Variants in NOTCH2NLA observed in about 807,000 individuals in gnomAD.
The protein encoded by NOTCH2NLA is notch homolog 2 N-terminal-like protein A.
chr1:146,161,890 AT>A (rs1484581514), intron 3 of NOTCH2NLA, among the ~76,000 whole-genome samples: 1 of 93,372 alleles, frequency 1.1e-5, no homozygotes, highest in East Asian at 2.5e-4. Flanking sequence ...ATTAAGGTCA[AT>A]GGGCAACTAC....
chr1:146,185,835 G>T lies in NOTCH2NLA; in HGVS notation c.38+3465C>A, dbSNP rs1326784251. On this transcript the variant is annotated intron_variant, in intron 2 of 4. Transcript: ENST00000362074. ...GAATAAAAAGATAATCACATGCCCTGCATGCCTGATAGAATTTTTATAAAT... is the reference window on the plus strand; with the variant it reads ...GAATAAAAAGATAATCACATGCCCTTCATGCCTGATAGAATTTTTATAAAT... Among the ~76,000 whole-genome samples, 9 of 135,448 alleles carry T rather than the reference G, an allele frequency of 6.6e-5. 2 individuals are homozygous for T. Among genetic ancestry groups the T allele is most frequent in the African/African-American group, 1.0e-4 (4 of 40,174 alleles). The allele number at this position is 135,448 out of a possible 152,430, so 88.9% of individuals were successfully genotyped here.
downstream of NOTCH2NLA, among the ~76,000 whole-genome samples, chr1:146,151,317 C>CA (rs1159670389): frequency 4.3e-3 from 69 of 15,880 alleles, no homozygotes; most frequent in Middle Eastern, 0.031. Flanking sequence ...TGCTCCGTCT[C>CA]AAAAAAAAAA....
At chr1:146,170,294 A>AT (rs1661891837) in intron 2 of NOTCH2NLA, among the ~76,000 whole-genome samples, 1 of 94,396 alleles carries the variant, frequency 1.1e-5, no homozygotes, top group Non-Finnish European at 2.3e-5. Context: ...CCAAATGCCT[A>AT]TAAGCGGATG....
chr1:146,186,397 C>T (rs1308352473), intron 2 of NOTCH2NLA, among the ~76,000 whole-genome samples: 273 of 138,560 alleles, frequency 2.0e-3, no homozygotes, highest in Non-Finnish European at 2.7e-3. Context: ...CTCTGTCGCT[C>T]AGGCTGGAGT....
chr1:146,157,743 TAGAAACA>T (rs2102267359), intron 3 of NOTCH2NLA, among the ~76,000 whole-genome samples: 1 of 105,284 alleles, frequency 9.5e-6, no homozygotes, highest in Non-Finnish European at 2.0e-5. Flanking sequence ...CCTCTGGTGA[TAGAAACA>T]AGTCAATACT....
intron 2 of NOTCH2NLA, among the ~76,000 whole-genome samples, chr1:146,174,451 A>G: frequency 6.7e-6 from 1 of 149,862 alleles, no homozygotes; most frequent in East Asian, 1.9e-4. Flanking sequence ...CATTCAAGAA[A>G]CAACAACAAC....
At chr1:146,159,393 GAGAAAGAAAGAAAGAAAGAAAGAA>G (rs201617510) in intron 3 of NOTCH2NLA, among the ~76,000 whole-genome samples, 11 of 111,040 alleles carry the variant, frequency 9.9e-5, no homozygotes, top group African/African-American at 1.4e-4. Flanking sequence ...GAGAAAGAGA[GAGAAAGAAAGAAAGAAAGAAAGAA>G]AGAAAGAAAG....
chr1:146,184,981 AACTTTAAAAT>A (rs1365024408), intron 2 of NOTCH2NLA, among the ~76,000 whole-genome samples: 1 of 125,458 alleles, frequency 8.0e-6, no homozygotes, highest in Non-Finnish European at 1.9e-5. Context: ...GTGGGAGATA[AACTTTAAAAT>A]CTATCACCCA....
chr1:146,186,115 C>T (rs1322882483), intron 2 of NOTCH2NLA, among the ~76,000 whole-genome samples: 5 of 134,190 alleles, frequency 3.7e-5, no homozygotes, highest in Admixed American at 2.3e-4. Context: ...CCCTGCCACT[C>T]CTAAATATGC....
chr1:146,183,297 TATTG>T (rs1238961786), intron 2 of NOTCH2NLA, among the ~76,000 whole-genome samples: 3 of 138,136 alleles, frequency 2.2e-5, no homozygotes, highest in African/African-American at 7.5e-5. Context: ...ATGATAACAA[TATTG>T]ATTAACTGCA....
chr1:146,228,948 G>C, exon 1 of NOTCH2NLA: 2 of 1,445,616 alleles, frequency 1.4e-6, no homozygotes, highest in Non-Finnish European at 9.0e-7. Context: ...TCGACTCCCC[G>C]CGCCCCGAGT....
chr1:146,156,936 C>CA (rs1299049789), intron 3 of NOTCH2NLA, 121 bp from the exon 4 acceptor site: 20 of 641,998 alleles, frequency 3.1e-5, no homozygotes, highest in Non-Finnish European at 5.4e-5. Context: ...TTGCATTTTA[C>CA]AAAAGGCTAA....
At chr1:146,182,610 G>A (rs1662588532) in intron 2 of NOTCH2NLA, among the ~76,000 whole-genome samples, 1 of 72,752 alleles carries the variant, frequency 1.4e-5, no homozygotes, top group African/African-American at 4.6e-5. Context: ...ACTTTGGGAG[G>A]CCGAGGCGGG....
chr1:146,161,783 T>C (rs1345565767), intron 3 of NOTCH2NLA, among the ~76,000 whole-genome samples: 1 of 41,506 alleles, frequency 2.4e-5, no homozygotes, highest in Non-Finnish European at 4.0e-5. Context: ...GCTATCAAGA[T>C]GAAATCAGTC....
At chr1:146,172,853 G>A (rs1662061620) in intron 2 of NOTCH2NLA, among the ~76,000 whole-genome samples, 1 of 144,888 alleles carries the variant, frequency 6.9e-6, no homozygotes, top group African/African-American at 2.4e-5. Context: ...TAGGTTCCCT[G>A]AATACCTGAG....
chr1:146,161,885 G>T (rs1263465117), intron 3 of NOTCH2NLA, among the ~76,000 whole-genome samples: 2 of 91,872 alleles, frequency 2.2e-5, no homozygotes, highest in South Asian at 6.5e-4. Context: ...CTGTGATTAA[G>T]GTCAATGGGC....
At chr1:146,159,447 G>GAAAGAAAGAAAGAGAA (rs1437002440) in intron 3 of NOTCH2NLA, among the ~76,000 whole-genome samples, 2 of 135,780 alleles carry the variant, frequency 1.5e-5, no homozygotes, top group Non-Finnish European at 3.3e-5. Context: ...AAGAAAGAAA[G>GAAAGAAAGAAAGAGAA]AGAAAGAAAG....
At chr1:146,174,449 A>AAAC (rs1327240768) in intron 2 of NOTCH2NLA, among the ~76,000 whole-genome samples, 7 of 149,768 alleles carry the variant, frequency 4.7e-5, no homozygotes, top group East Asian at 3.9e-4. Flanking sequence ...GCCATTCAAG[A>AAAC]AACAACAACA....
chr1:146,158,251 G>T (rs1661263652), intron 3 of NOTCH2NLA, among the ~76,000 whole-genome samples: 1 of 147,624 alleles, frequency 6.8e-6, no homozygotes, highest in Admixed American at 6.7e-5. Flanking sequence ...GTGCCATGTT[G>T]GTGTGCTGCA....
Sources: allele counts gnomAD v4.1 joint callset (sites outside exome capture counted in the v4.1 genomes callset), GRCh38; gene constraint gnomAD v4.1.1; transcripts MANE v1.5; gene names NCBI Gene and HGNC (gene_info 2026-07-23, HGNC 2026-07-21).